PLEKHM1: variants seen among roughly 807,000 people sequenced by gnomAD.
PLEKHM1 encodes the protein pleckstrin homology domain-containing family M member 1.
A neutral mutation model predicts 94.3 loss-of-function variants in PLEKHM1; 28 were observed. The observed-to-expected ratio is 0.30, with a 90% CI of 0.22 to 0.41. The LOEUF (loss-of-function observed/expected upper bound fraction) is 0.41, where lower values mean the gene tolerates loss of function less well. Among genes scored for constraint, PLEKHM1 ranks in the 10% least tolerant of loss-of-function variants. The probability of loss-of-function intolerance (pLI) is 1.00; values close to 1 mark genes in which losing one functional copy is unlikely to be tolerated. For synonymous variants in PLEKHM1, 424 were observed against 581.2 expected (o/e 0.73, Z 3.89); for missense variants, 907 against 1,358.6 (o/e 0.67, Z 5.22).
At chr17:45,469,010 G>A (rs901407605) in intron 4 of PLEKHM1, among the ~76,000 whole-genome samples, 2 of 148,376 alleles carry the variant, frequency 1.3e-5, no homozygotes, top group African/African-American at 4.9e-5. Flanking sequence ...ACAGGGAGTA[G>A]AGATGCCAGG....
At chr17:45,476,045 G>C (rs1294654104) in intron 3 of PLEKHM1, 5 of 400,446 alleles carry the variant, frequency 1.2e-5, no homozygotes, top group Non-Finnish European at 2.4e-5. Context: ...CAGCTACTCG[G>C]GAGGTTGAGG....
chr17:45,436,321 G>A lies in PLEKHM1; in HGVS notation c.*1537C>T, dbSNP rs369784023. On this transcript the variant is annotated 3_prime_UTR_variant, in exon 12 of 12. Transcript: ENST00000430334. ...AGCTCCTGGCTTAGGAGGCATTGGC[G>A]TCTGGGCACAGGTGTGTGCCATGAC... is the stretch of plus-strand genomic sequence containing the variant. The A allele has an allele frequency of 2.2e-5, 10 of 454,082 alleles. No homozygotes were observed. Among genetic ancestry groups the A allele is most frequent in the Non-Finnish European group, 2.6e-5 (6 of 226,820 alleles). 28.1% of individuals were successfully genotyped at this position (454,082 alleles called of 1,614,324 possible).
At chr17:45,434,629 G>T (rs1444565893), downstream of PLEKHM1, among the ~76,000 whole-genome samples, 1 of 152,010 alleles carries the variant, frequency 6.6e-6, no homozygotes, top group African/African-American at 2.4e-5. Flanking sequence ...TATTTTTGTA[G>T]AGACGGGGTT....
rs1167731388 is a variant in PLEKHM1, at chr17:45,453,707, G to A, written c.2145C>T (p.Ile715=). ...LSLEALKCFR[I]RNNEKMLSDS... Reference sequence around the variant, plus strand: ...CACTCAGCATCTTCTCATTGTTCCTGATGCGGAAACATTTCAGAGCCTCCA... The same window carrying A: ...CACTCAGCATCTTCTCATTGTTCCTAATGCGGAAACATTTCAGAGCCTCCA... Residue 715 remains isoleucine (I), a synonymous_variant, in exon 7 of 12, where the codon ATC becomes ATT. Coordinates refer to ENST00000430334, the MANE Select transcript of PLEKHM1 (RefSeq NM_014798.3). The surrounding 1 kb of genome is among the most constrained non-coding windows in gnomAD (Gnocchi z 4.1). 6.2e-7 allele frequency: 1 copy of A among 1,613,758 alleles called. No homozygotes were observed. Among genetic ancestry groups the A allele is most frequent in the African/African-American group, 1.3e-5 (1 of 74,880 alleles).
intron 7 of PLEKHM1, among the ~76,000 whole-genome samples, chr17:45,451,913 AG>A (rs1333679727): frequency 6.6e-6 from 1 of 152,268 alleles, no homozygotes; most frequent in Non-Finnish European, 1.5e-5. Context: ...GGAGAGGTCA[AG>A]CGAGGCTTGC....
intron 8 of PLEKHM1, chr17:45,448,003 G>A (rs1432459412): frequency 6.6e-6 from 1 of 152,066 alleles, no homozygotes; most frequent in Non-Finnish European, 1.5e-5. Flanking sequence ...TCTCCACGTT[G>A]GTCAGGCTGG....
intron 2 of PLEKHM1, among the ~76,000 whole-genome samples, chr17:45,479,754 TAAGA>T (rs2051884550): frequency 6.6e-6 from 1 of 152,184 alleles, no homozygotes; most frequent in Non-Finnish European, 1.5e-5. Context: ...AGTGTGGCAC[TAAGA>T]CTAGTGTTTT....
chr17:45,475,390 A>G lies in PLEKHM1; in HGVS notation c.633T>C (p.Gly211=). 1 of 1,613,944 alleles carries G rather than the reference A, an allele frequency of 6.2e-7. No homozygotes were observed. Among genetic ancestry groups the G allele is most frequent in the Non-Finnish European group, 8.5e-7 (1 of 1,179,854 alleles). Residue 211 remains glycine, a synonymous_variant, in exon 4 of 12, where the codon GGT becomes GGC. Coordinates refer to ENST00000430334, the MANE Select transcript of PLEKHM1 (RefSeq NM_014798.3). ...LSELDPLSTS[G]AELQRKESLD... is the part of the protein sequence containing the mutation. Reference sequence around the variant, plus strand: ...GAGATTCCTTCCGCTGTAGTTCTGCACCAGAGGTAGAGAGAGGGTCCAGCT... The same window carrying G: ...GAGATTCCTTCCGCTGTAGTTCTGCGCCAGAGGTAGAGAGAGGGTCCAGCT...
chr17:45,440,144 G>T lies in PLEKHM1; in HGVS notation c.2901+19C>A, dbSNP rs756786802. 1 of 1,609,394 alleles carries T rather than the reference G, an allele frequency of 6.2e-7. No individual in the cohort carries two copies. Among genetic ancestry groups the T allele is most frequent in the South Asian group, 1.1e-5 (1 of 90,980 alleles). ...AAGTCTCTCTAGAGGTCTGGGCGGG[G>T]GAAGCATGACACTCTTACCTGTTGG... On this transcript the variant is annotated intron_variant, in intron 10 of 11. Transcript: ENST00000430334.
At chr17:45,472,264 G>A (rs955404934) in intron 4 of PLEKHM1, among the ~76,000 whole-genome samples, 1 of 151,180 alleles carries the variant, frequency 6.6e-6, no homozygotes, top group Non-Finnish European at 1.5e-5. Flanking sequence ...GAATGCTGGT[G>A]CTGGCTGTGT....
chr17:45,449,291 C>T (rs2050698263), intron 8 of PLEKHM1, among the ~76,000 whole-genome samples: 1 of 151,802 alleles, frequency 6.6e-6, no homozygotes, highest in Non-Finnish European at 1.5e-5. Flanking sequence ...ACCCACCGTC[C>T]ACCCATCTAC....
In PLEKHM1 at chr17:45,467,191, T is replaced by A. The variant is rs544054735; in HGVS notation, c.1308+1018A>T. Among the ~76,000 whole-genome samples, 13 of 152,334 alleles carry A rather than the reference T, an allele frequency of 8.5e-5. No homozygotes were observed. The South Asian group carries it at 1.4e-3, about 17-fold the overall frequency. Reference sequence around the variant, plus strand: ...TCCAACTCCTGGGCTCAAGCAGTCCTCCCTCTTGGTCTCCCAAAGCGCTGG... The same window carrying A: ...TCCAACTCCTGGGCTCAAGCAGTCCACCCTCTTGGTCTCCCAAAGCGCTGG... On this transcript the variant is annotated intron_variant, in intron 5 of 11. Transcript: ENST00000430334.
chr17:45,458,477 T>A (rs2051044887), intron 5 of PLEKHM1, 38 bp from the exon 6 acceptor site: 1 of 1,586,958 alleles, frequency 6.3e-7, no homozygotes, highest in Admixed American at 1.7e-5. Context: ...TGTTTTAAAG[T>A]TTTTTTGTTT....
At chr17:45,473,778 T>C (rs2051603542) in intron 4 of PLEKHM1, among the ~76,000 whole-genome samples, 1 of 152,084 alleles carries the variant, frequency 6.6e-6, no homozygotes, top group African/African-American at 2.4e-5. Flanking sequence ...CAGAAAGGTC[T>C]CGATCTCTTG....
chr17:45,449,157 C>T (rs1011020597), intron 8 of PLEKHM1, among the ~76,000 whole-genome samples: 6 of 151,642 alleles, frequency 4.0e-5, no homozygotes, highest in African/African-American at 1.5e-4. Flanking sequence ...GTAGGGCCTA[C>T]AGGGGAGTGC....
chr17:45,483,201 C>T (rs1475567766), intron 1 of PLEKHM1, among the ~76,000 whole-genome samples: 15 of 152,146 alleles, frequency 9.9e-5, no homozygotes, highest in Non-Finnish European at 2.1e-4. Context: ...GGTAGGCATG[C>T]TCAGACCTCT....
At chr17:45,466,876 T>G (rs1437853751) in intron 5 of PLEKHM1, among the ~76,000 whole-genome samples, 1 of 152,038 alleles carries the variant, frequency 6.6e-6, no homozygotes, top group African/African-American at 2.4e-5. Context: ...GCAATTCCAT[T>G]CCCAGGTATA....
At chr17:45,478,260 C>T in intron 2 of PLEKHM1, 113 bp from the exon 3 acceptor site, 2 of 1,178,834 alleles carry the variant, frequency 1.7e-6, no homozygotes, top group South Asian at 1.2e-5. Context: ...GCACACACAT[C>T]TATGTGTGTG....
intron 1 of PLEKHM1, 91 bp downstream of exon 1, chr17:45,490,561 T>C: frequency 2.5e-6 from 1 of 401,296 alleles, no homozygotes; most frequent in Non-Finnish European, 5.1e-6. Context: ...GGGCTGGGAA[T>C]CGCGGAGGGA....
Sources: gnomAD v4.1 joint callset for allele counts (sites outside exome capture counted in the v4.1 genomes callset) on GRCh38, gnomAD v4.1.1 for gene constraint, Gnocchi (gnomAD v3.1) non-coding constraint, MANE v1.5 for transcripts, NCBI Gene and HGNC (gene_info 2026-07-23, HGNC 2026-07-21) for gene names.